Variants in GPC6 observed in about 807,000 individuals in gnomAD.
GPC6 encodes glypican 6, also known as glypican-6.
Under a neutral mutation model 55.2 loss-of-function variants are expected in GPC6, and 14 were observed. The observed-to-expected ratio is 0.25, with a 90% CI of 0.17 to 0.40. The LOEUF is 0.40. Ranked by LOEUF, GPC6 falls within the 10% of genes least tolerant of loss-of-function variation. The pLI, the probability that GPC6 is intolerant of heterozygous loss-of-function variation, is 1.00. For synonymous variants in GPC6, 278 were observed against 259.6 expected, an observed-to-expected ratio of 1.07 and a Z score of -0.68; for missense variants, 641 against 708.5, an observed-to-expected ratio of 0.90 and a Z score of 1.08.
rs894002532 is a variant in GPC6, at chr13:94,328,244, T to G, written c.1152+22121T>G. ...TCTGTATTTTTAACAAGTTCGCCTGTGATCCTGATAGATACCACCTCACAT... is the reference window on the plus strand; with the variant it reads ...TCTGTATTTTTAACAAGTTCGCCTGGGATCCTGATAGATACCACCTCACAT... On this transcript the variant is annotated intron_variant, in intron 6 of 8. Transcript: ENST00000377047. Among the ~76,000 whole-genome samples, 14 of 152,346 alleles carry G rather than the reference T, an allele frequency of 9.2e-5. No homozygotes were observed. In the East Asian group the frequency reaches 1.7e-3, roughly 19 times the overall value.
chr13:94,133,267 C>CAAAAAAAAAAAAAA (rs66499161), intron 4 of GPC6, among the ~76,000 whole-genome samples: 2 of 85,098 alleles, frequency 2.4e-5, no homozygotes, highest in African/African-American at 1.0e-4. Flanking sequence ...TGACCAGTGA[C>CAAAAAAAAAAAAAA]AAAAAAAAAA....
chr13:94,023,418 G>A (rs1035672656), intron 3 of GPC6, among the ~76,000 whole-genome samples: 1 of 151,672 alleles, frequency 6.6e-6, no homozygotes, highest in East Asian at 1.9e-4. Context: ...GGAAACTCAT[G>A]ATAAACTTAA....
chr13:93,546,453 C>G (rs181938005), intron 2 of GPC6, among the ~76,000 whole-genome samples: 1 of 152,178 alleles, frequency 6.6e-6, no homozygotes, highest in Non-Finnish European at 1.5e-5. Flanking sequence ...TTACGGAAGA[C>G]AGGTCTACCT....
intron 2 of GPC6, among the ~76,000 whole-genome samples, chr13:93,568,320 T>C (rs1876237019): frequency 6.6e-6 from 1 of 152,220 alleles, no homozygotes; most frequent in African/African-American, 2.4e-5. Context: ...TCTCTCTTTT[T>C]AATTGTTATG....
intron 3 of GPC6, among the ~76,000 whole-genome samples, chr13:93,862,494 AAGG>A (rs1888846290): frequency 6.6e-6 from 1 of 151,620 alleles, no homozygotes; most frequent in African/African-American, 2.4e-5. Flanking sequence ...GATTACATAA[AAGG>A]AGGAGGAGGA....
intron 4 of GPC6, among the ~76,000 whole-genome samples, chr13:94,088,954 G>A (rs1293165487): frequency 6.6e-6 from 1 of 152,110 alleles, no homozygotes; most frequent in Non-Finnish European, 1.5e-5. Flanking sequence ...CGTAATTGAT[G>A]AGATTATCGG....
intron 1 of GPC6, among the ~76,000 whole-genome samples, chr13:93,242,623 G>A (rs566307676): frequency 6.6e-6 from 1 of 152,242 alleles, no homozygotes; most frequent in Non-Finnish European, 1.5e-5. Context: ...CTGCTCGACC[G>A]CTGGGGAAGA....
At chr13:94,288,849 ATATAATAAATATATATATTT>A (rs1566637827) in intron 5 of GPC6, among the ~76,000 whole-genome samples, 27 of 101,620 alleles carry the variant, frequency 2.7e-4, no homozygotes, top group Non-Finnish European at 5.3e-4. Context: ...TAACAAATAT[ATATAATAAATATATATATTT>A]GTTATATATA....
At chr13:93,333,119 C>T (rs1019104827) in intron 1 of GPC6, among the ~76,000 whole-genome samples, 10 of 152,160 alleles carry the variant, frequency 6.6e-5, no homozygotes, top group South Asian at 2.1e-4. Context: ...TAGTATATTT[C>T]GAATTCAGGT....
At chr13:93,231,421 ATACG>A (rs1876054735) in intron 1 of GPC6, among the ~76,000 whole-genome samples, 13 of 53,572 alleles carry the variant, frequency 2.4e-4, no homozygotes, top group African/African-American at 6.3e-4. Context: ...ATATATATAT[ATACG>A]TATATATATA....
chr13:93,750,587 T>A (rs1014234761), intron 2 of GPC6, among the ~76,000 whole-genome samples: 1 of 152,066 alleles, frequency 6.6e-6, no homozygotes, highest in Admixed American at 6.6e-5. Flanking sequence ...AAATATACAA[T>A]TGGAATATAA....
intron 2 of GPC6, among the ~76,000 whole-genome samples, chr13:93,738,652 G>A (rs556056470): frequency 1.3e-5 from 2 of 152,040 alleles, no homozygotes; most frequent in Non-Finnish European, 2.9e-5. Context: ...TAGAGACATG[G>A]GGGTTTGGAG....
At chr13:93,571,503 A>G (rs1876402831) in intron 2 of GPC6, among the ~76,000 whole-genome samples, 1 of 152,200 alleles carries the variant, frequency 6.6e-6, no homozygotes, top group African/African-American at 2.4e-5. Flanking sequence ...TTATAACTTC[A>G]GAAATCCATT....
rs571754498 is a variant in GPC6 at position 94,005,079 on chromosome 13, T to A, written c.712-22650T>A. Among the ~76,000 whole-genome samples the A allele has an allele frequency of 2.5e-3, 379 of 152,138 alleles. 1 individual carries two copies. The highest frequency in any genetic ancestry group is 8.8e-3 in the African/African-American group (365 of 41,518). On this transcript the variant is annotated intron_variant, in intron 3 of 8. Coordinates refer to ENST00000377047, the MANE Select transcript of GPC6 (RefSeq NM_005708.5). Reference sequence around the variant, plus strand: ...TGACTCCATCCCCCAGCCCCCAAAATATCTGAATGGACATCAGGTACACAT... The same window carrying A: ...TGACTCCATCCCCCAGCCCCCAAAAAATCTGAATGGACATCAGGTACACAT...
intron 4 of GPC6, among the ~76,000 whole-genome samples, chr13:94,121,520 T>A (rs1886628930): frequency 6.6e-6 from 1 of 152,172 alleles, no homozygotes; most frequent in Non-Finnish European, 1.5e-5. Context: ...TTCATTTCTA[T>A]AACTGGTAAA....
At chr13:94,053,855 A>G (rs1459810148) in intron 4 of GPC6, among the ~76,000 whole-genome samples, 2 of 152,172 alleles carry the variant, frequency 1.3e-5, no homozygotes, top group Admixed American at 1.3e-4. Context: ...ATAGATACTT[A>G]TATTCAGAAA....
chr13:93,286,687 AG>A (rs1311294722), intron 1 of GPC6, among the ~76,000 whole-genome samples: 4 of 152,182 alleles, frequency 2.6e-5, no homozygotes, highest in African/African-American at 9.7e-5. Flanking sequence ...GGGGTGGCAG[AG>A]GTCACTAAGT....
upstream of GPC6, among the ~76,000 whole-genome samples, chr13:93,222,886 T>C: frequency 6.6e-6 from 1 of 152,204 alleles, no homozygotes; most frequent in East Asian, 1.9e-4. Context: ...CTCAAGGTTC[T>C]TTGCATCCCT....
intron 6 of GPC6, among the ~76,000 whole-genome samples, chr13:94,325,089 C>T (rs190009443): frequency 4.0e-5 from 6 of 151,748 alleles, no homozygotes; most frequent in Admixed American, 1.3e-4. Context: ...TCTTCTTTGT[C>T]GTCCACAGTA....
Sources: gnomAD v4.1 joint callset for allele counts (sites outside exome capture counted in the v4.1 genomes callset) on GRCh38, gnomAD v4.1.1 for gene constraint, MANE v1.5 for transcripts, NCBI Gene and HGNC (gene_info 2026-07-23, HGNC 2026-07-21) for gene names.